The following DRICH1 variants were observed in gnomAD, a reference collection of about 807,000 sequenced individuals.
DRICH1 encodes the protein aspartate rich 1.
DRICH1 carries 38 observed loss-of-function variants against 39.5 expected under a neutral mutation model. The observed-to-expected ratio is 0.96, with a 90% CI of 0.74 to 1.26. The LOEUF (loss-of-function observed/expected upper bound fraction) is 1.26, where lower values mean the gene tolerates loss of function less well. Among genes scored for constraint, DRICH1 ranks in the 50% most tolerant of loss-of-function variants. The probability of loss-of-function intolerance (pLI) is 0.00; values close to 1 mark genes in which losing one functional copy is unlikely to be tolerated. For synonymous variants in DRICH1, 84 were observed against 99.5 expected, an observed-to-expected ratio of 0.84 and a Z score of 0.93; for missense variants, 279 against 270.4, an observed-to-expected ratio of 1.03 and a Z score of -0.22.
At chr22:23,588,610 C>A in the DRICH1 span, among the ~76,000 whole-genome samples, 1 of 152,206 alleles carries the variant, frequency 6.6e-6, no homozygotes, top group Non-Finnish European at 1.5e-5. Flanking sequence ...CTAGGGCCAC[C>A]ATTTAAGAGG....
the DRICH1 span, among the ~76,000 whole-genome samples, chr22:23,596,828 T>G: frequency 2.0e-5 from 3 of 152,230 alleles, no homozygotes; most frequent in Admixed American, 2.0e-4. Flanking sequence ...GGGAAGAATC[T>G]GTATTCTGTG....
chr22:23,619,386 A>G lies in DRICH1; in HGVS notation c.414T>C (p.Cys138=). Residue 138 remains cysteine, a synonymous_variant, in exon 6 of 12, where the codon TGT becomes TGC. Transcript: ENST00000317749. ...CACAAGAACTGCTATCAAACCGGTA[A>G]CAGCCACCTGCGGAGAAATGGAAAA... ...QILPSRVQGG[C]YRFDSSSCSS... 1.3e-6 allele frequency: 1 copy of G among 780,736 alleles called. No individual in the cohort carries two copies. Among genetic ancestry groups the G allele is most frequent in the South Asian group, 1.3e-5 (1 of 74,608 alleles). 48.4% of individuals were successfully genotyped at this position (780,736 alleles called of 1,614,324 possible). A position where few individuals can be genotyped will look rare whatever the true frequency, so the allele number is the denominator to read the frequency against.
chr22:23,625,818 T>C lies in DRICH1; in HGVS notation c.276+163A>G, dbSNP rs183412013. On this transcript the variant is annotated intron_variant, in intron 2 of 11. Coordinates refer to ENST00000317749, the MANE Select transcript of DRICH1 (RefSeq NM_016449.4). Reference sequence around the variant, plus strand: ...GGGGATAAATTGCTTGTTGAAACCGTTCTGGGTGTGTCTGCACCCAGATCT... The same window carrying C: ...GGGGATAAATTGCTTGTTGAAACCGCTCTGGGTGTGTCTGCACCCAGATCT... Among the ~76,000 whole-genome samples the C allele has an allele frequency of 1.1e-3, 168 of 152,296 alleles. 4 individuals carry two copies. The South Asian group carries it at 0.033, about 30-fold the overall frequency.
the DRICH1 span, among the ~76,000 whole-genome samples, chr22:23,584,778 C>T: frequency 6.6e-6 from 1 of 152,204 alleles, no homozygotes; most frequent in Non-Finnish European, 1.5e-5. Flanking sequence ...TTTTACATTT[C>T]ACAAACTTGT....
intron 9 of DRICH1, among the ~76,000 whole-genome samples, 162 bp from the exon 10 acceptor site, chr22:23,613,822 A>T (rs1295805556): frequency 6.6e-6 from 1 of 152,234 alleles, no homozygotes; most frequent in Non-Finnish European, 1.5e-5. Context: ...AGCTATAGAA[A>T]AACAAGACCT....
At chr22:23,598,786 G>T in the DRICH1 span, among the ~76,000 whole-genome samples, 1 of 152,172 alleles carries the variant, frequency 6.6e-6, no homozygotes, top group East Asian at 1.9e-4. Context: ...CTGGCAGAGG[G>T]CAGTGCTCCA....
intron 3 of DRICH1, 27 bp from the exon 4 acceptor site, chr22:23,622,203 T>C: frequency 6.2e-7 from 1 of 1,606,128 alleles, no homozygotes; most frequent in Non-Finnish European, 8.5e-7. Context: ...GAAAGATCCG[T>C]GCCCTGGTTG....
In DRICH1 at chr22:23,608,781, A is replaced by C; in HGVS notation, c.686-13T>G. On this transcript the variant is annotated splice_polypyrimidine_tract_variant and intron_variant, in intron 11 of 11. Transcript: ENST00000317749. The stretch of plus-strand genomic sequence containing the variant: ...GAAGGGCTTCACCCTGGATGAAGAG[A>C]TAATCCCTTTTTAGTGAGAGCAGGC... 5 of 1,559,938 alleles carry C rather than the reference A, an allele frequency of 3.2e-6. No individual in the cohort carries two copies. The highest frequency in any genetic ancestry group is 3.5e-6 in the Non-Finnish European group (4 of 1,150,532).
intron 8 of DRICH1, among the ~76,000 whole-genome samples, chr22:23,616,059 C>T (rs1190759433): frequency 6.6e-6 from 1 of 152,188 alleles, no homozygotes; most frequent in African/African-American, 2.4e-5. Context: ...ATTCTGTCCT[C>T]CATGCCCAGG....
chr22:23,628,872 G>A lies in DRICH1; in HGVS notation c.209-2824C>T, dbSNP rs370362730. ...TCGCACAAAGAGATGGAGAAGACAA[G>A]AGAAAGCAATGAAACTCCATTCTTG... On this transcript the variant is annotated intron_variant, in intron 1 of 11. Transcript: ENST00000317749. 3.9e-5 allele frequency among the ~76,000 whole-genome samples: 6 copies of A among 152,186 alleles called. No individual in the cohort carries two copies. In the East Asian group the frequency reaches 1.2e-3, roughly 29 times the overall value.
chr22:23,613,657 T>C lies in DRICH1; in HGVS notation c.625A>G (p.Thr209Ala). 1 of 1,598,514 alleles carries C rather than the reference T, an allele frequency of 6.3e-7. No homozygotes were observed. The highest frequency in any genetic ancestry group is 1.1e-5 in the South Asian group (1 of 90,590). ...TACATACCACTTTCTATCCGAGCTG[T>C]TATCTGCAATTATATAAAAGAAAAC... ...EEEDDDDIHI[T>A]ARIESDLTLE... Residue 209 changes from threonine to alanine, a missense_variant, in exon 10 of 12, where the codon ACA becomes GCA. Coordinates refer to ENST00000317749, the MANE Select transcript of DRICH1 (RefSeq NM_016449.4).
chr22:23,582,308 C>G, the DRICH1 span, among the ~76,000 whole-genome samples: 4 of 151,320 alleles, frequency 2.6e-5, no homozygotes, highest in African/African-American at 9.7e-5. Flanking sequence ...CGGAGTCTCA[C>G]TCTGTTGCCC....
At chr22:23,605,185 T>C (rs1926660970), downstream of DRICH1, among the ~76,000 whole-genome samples, 1 of 152,160 alleles carries the variant, frequency 6.6e-6, no homozygotes, top group Non-Finnish European at 1.5e-5. Context: ...AACAGGCCAT[T>C]GTGACCCAGA....
chr22:23,597,565 T>C, the DRICH1 span, among the ~76,000 whole-genome samples: 1 of 150,788 alleles, frequency 6.6e-6, no homozygotes, highest in African/African-American at 2.4e-5. Flanking sequence ...AAACTGTTGG[T>C]TGGGAGCCGT....
At chr22:23,606,194 C>A (rs371302787), downstream of DRICH1, among the ~76,000 whole-genome samples, 3 of 152,238 alleles carry the variant, frequency 2.0e-5, no homozygotes, top group African/African-American at 7.2e-5. Context: ...TGTTCCTCCT[C>A]AACCCTCTGG....
rs1266672332 is a variant in DRICH1, at chr22:23,624,615, G to T, written c.298+268C>A. Among the ~76,000 whole-genome samples the T allele has an allele frequency of 2.0e-5, 3 of 152,016 alleles. No homozygotes were observed. In the East Asian group the frequency reaches 5.8e-4, roughly 29 times the overall value. ...CCAGAATCCACTCTTTAGGATTCTG[G>T]TATCTTTACCAACATCAGGATAAGT... is the stretch of plus-strand genomic sequence containing the variant. On this transcript the variant is annotated intron_variant, in intron 3 of 11. Coordinates refer to ENST00000317749, the MANE Select transcript of DRICH1 (RefSeq NM_016449.4).
intron 4 of DRICH1, 48 bp from the exon 5 acceptor site, chr22:23,620,663 T>C (rs531732256): frequency 1.9e-5 from 31 of 1,600,364 alleles, no homozygotes; most frequent in Middle Eastern, 1.7e-4. Context: ...TCAATTCTGC[T>C]GCACCCCTTA....
At chr22:23,603,020 T>C in the DRICH1 span, among the ~76,000 whole-genome samples, 1 of 149,998 alleles carries the variant, frequency 6.7e-6, no homozygotes. Context: ...TTTTTTTTTT[T>C]TTTTTGAGAC....
the DRICH1 span, chr22:23,581,511 C>T: frequency 9.9e-5 from 15 of 152,270 alleles, no homozygotes; most frequent in African/African-American, 3.6e-4. Context: ...CACTCCAGGG[C>T]TGGGTTGAGG....
Sources: allele counts gnomAD v4.1 joint callset (sites outside exome capture counted in the v4.1 genomes callset), GRCh38; gene constraint gnomAD v4.1.1; transcripts MANE v1.5; gene names NCBI Gene and HGNC (gene_info 2026-07-23, HGNC 2026-07-21).